NKAIN3: variants seen among roughly 807,000 people sequenced by gnomAD.
NKAIN3 encodes sodium/potassium-transporting ATPase subunit beta-1-interacting protein 3.
A neutral mutation model predicts 30.2 loss-of-function variants in NKAIN3; 25 were observed. That is an observed-to-expected ratio of 0.83 (90% CI 0.60 to 1.16). The LOEUF is 1.16. NKAIN3 is among the 50% of genes most tolerant of loss of function. The pLI is 0.00. For synonymous variants in NKAIN3, 91 were observed against 89.6 expected (o/e 1.02, Z -0.09); for missense variants, 225 against 254.1 (o/e 0.89, Z 0.78).
intron 1 of NKAIN3, among the ~76,000 whole-genome samples, chr8:62,479,219 A>G (rs1031354451): frequency 6.6e-6 from 1 of 152,150 alleles, no homozygotes; most frequent in African/African-American, 2.4e-5. Context: ...TTATAGATCA[A>G]TTGTGTTATT....
At chr8:62,696,666 T>TAA (rs5891869) in intron 3 of NKAIN3, among the ~76,000 whole-genome samples, 5,503 of 147,434 alleles carry the variant, frequency 0.037, 153 homozygotes, top group African/African-American at 0.079. Context: ...AGTTCCCAAT[T>TAA]AAAAAAAAAA....
intron 1 of NKAIN3, among the ~76,000 whole-genome samples, chr8:62,464,545 G>C (rs76745414): frequency 0.013 from 2,002 of 152,302 alleles, 21 homozygotes; most frequent in South Asian, 0.036. Context: ...TAGAAGCGTA[G>C]TGCTAAAGAG....
intron 3 of NKAIN3, among the ~76,000 whole-genome samples, chr8:62,694,113 G>A (rs1814076390): frequency 6.6e-6 from 1 of 151,908 alleles, no homozygotes; most frequent in Non-Finnish European, 1.5e-5. Context: ...TAGCTATTTT[G>A]AGATACACAA....
At chr8:62,531,973 GGACT>G (rs766431766) in intron 1 of NKAIN3, among the ~76,000 whole-genome samples, 7 of 152,124 alleles carry the variant, frequency 4.6e-5, no homozygotes, top group African/African-American at 7.2e-5. Context: ...AATAAAGAAA[GGACT>G]TAATACACCT....
At chr8:62,676,245 C>T (rs747506683) in intron 3 of NKAIN3, among the ~76,000 whole-genome samples, 1 of 152,188 alleles carries the variant, frequency 6.6e-6, no homozygotes, top group Non-Finnish European at 1.5e-5. Flanking sequence ...AAAGAACACA[C>T]CTGTTAGCTT....
intron 4 of NKAIN3, among the ~76,000 whole-genome samples, chr8:62,798,503 C>G (rs772845953): frequency 6.6e-6 from 1 of 151,636 alleles, no homozygotes; most frequent in Non-Finnish European, 1.5e-5. Context: ...ACCCAGGAGG[C>G]GGAGCTTGCA....
At chr8:62,856,131 A>G in intron 4 of NKAIN3, 1 of 718,112 alleles carries the variant, frequency 1.4e-6, no homozygotes, top group Non-Finnish European at 2.6e-6. Context: ...CTCCATTATA[A>G]TCTGAGACTC....
Position 62,926,744 on chromosome 8 carries a change from A to G in NKAIN3, c.532+8231A>G, listed in dbSNP as rs574929125. Among the ~76,000 whole-genome samples, 4 of 152,228 alleles carry G rather than the reference A, an allele frequency of 2.6e-5. No individual in the cohort carries two copies. In the South Asian group the frequency reaches 8.3e-4, roughly 32 times the overall value. ...AGACTCTGTCACACAAAAAAATAAA[A>G]GCAGTGGGAATGATTTCCTCAAGTT... On this transcript the variant is annotated intron_variant, in intron 5 of 6. Transcript: ENST00000623646.
chr8:62,285,682 G>T lies in NKAIN3; in HGVS notation c.54+36555G>T, dbSNP rs551665837. Among the ~76,000 whole-genome samples, 5 of 152,250 alleles carry T rather than the reference G, an allele frequency of 3.3e-5. No individual in the cohort carries two copies. In the South Asian group the frequency reaches 6.2e-4, roughly 19 times the overall value. ...TGTCACCACGTGAATTTAGGATGAAGCCTGATGCCCAAGGGCCTTCAAACT... is the reference window on the plus strand; with the variant it reads ...TGTCACCACGTGAATTTAGGATGAATCCTGATGCCCAAGGGCCTTCAAACT... On this transcript the variant is annotated intron_variant, in intron 1 of 6. Transcript: ENST00000623646.
chr8:62,848,870 G>C (rs1450759479), intron 4 of NKAIN3, among the ~76,000 whole-genome samples: 3 of 152,150 alleles, frequency 2.0e-5, no homozygotes, highest in Non-Finnish European at 4.4e-5. Flanking sequence ...TTTTCAATAT[G>C]AAGGGATGTT....
intron 1 of NKAIN3, among the ~76,000 whole-genome samples, chr8:62,567,225 A>C (rs2130002371): frequency 6.6e-6 from 1 of 152,254 alleles, no homozygotes; most frequent in East Asian, 1.9e-4. Flanking sequence ...ACAGACAGTA[A>C]CATTAGCTCA....
chr8:62,284,499 G>T (rs1473580539), intron 1 of NKAIN3, among the ~76,000 whole-genome samples: 1 of 152,102 alleles, frequency 6.6e-6, no homozygotes, highest in African/African-American at 2.4e-5. Context: ...GGTGGCACAT[G>T]CCTGTAATCC....
At chr8:62,372,808 T>A (rs948054120) in intron 1 of NKAIN3, among the ~76,000 whole-genome samples, 1 of 152,096 alleles carries the variant, frequency 6.6e-6, no homozygotes, top group Non-Finnish European at 1.5e-5. Flanking sequence ...GACCACTTTT[T>A]ATAAGAGTCT....
intron 4 of NKAIN3, among the ~76,000 whole-genome samples, chr8:62,748,115 C>A (rs1816149085): frequency 6.6e-6 from 1 of 152,210 alleles, no homozygotes. Flanking sequence ...GCTTAGAGTT[C>A]TGTGCATTAG....
chr8:62,819,278 TG>T (rs1352557190), intron 4 of NKAIN3, among the ~76,000 whole-genome samples: 1 of 151,582 alleles, frequency 6.6e-6, no homozygotes, highest in East Asian at 1.9e-4. Context: ...GACTGGGACT[TG>T]CCATAAAATG....
chr8:62,705,032 G>T (rs1460878245), intron 3 of NKAIN3, among the ~76,000 whole-genome samples: 1 of 152,126 alleles, frequency 6.6e-6, no homozygotes, highest in East Asian at 1.9e-4. Context: ...CTCATTTGTT[G>T]CTGAGAACAA....
At chr8:62,691,155 A>G (rs1813954570) in intron 3 of NKAIN3, among the ~76,000 whole-genome samples, 1 of 152,158 alleles carries the variant, frequency 6.6e-6, no homozygotes, top group Admixed American at 6.5e-5. Context: ...AAGTTCTTGA[A>G]GCTAAGTAGC....
At chr8:62,556,101 G>A (rs1809378022) in intron 1 of NKAIN3, among the ~76,000 whole-genome samples, 1 of 151,874 alleles carries the variant, frequency 6.6e-6, no homozygotes, top group African/African-American at 2.4e-5. Context: ...AAGAAGAAAT[G>A]ATGAACAAGG....
chr8:62,517,615 A>G (rs1359516850), intron 1 of NKAIN3, among the ~76,000 whole-genome samples: 4 of 152,074 alleles, frequency 2.6e-5, no homozygotes, highest in Non-Finnish European at 5.9e-5. Flanking sequence ...TAATCCCCCC[A>G]AGAAGAATGG....
Sources: allele counts gnomAD v4.1 joint callset (sites outside exome capture counted in the v4.1 genomes callset), GRCh38; gene constraint gnomAD v4.1.1; transcripts MANE v1.5; gene names NCBI Gene and HGNC (gene_info 2026-07-23, HGNC 2026-07-21).